Variants in PXYLP1 observed in about 807,000 individuals in gnomAD.
PXYLP1 encodes the protein 2-phosphoxylose phosphatase 1, also known as acid phosphatase-like 2.
In PXYLP1, 17 loss-of-function variants were observed where a neutral mutation model predicts 37.9. The observed-to-expected ratio is 0.45, with a 90% CI of 0.31 to 0.67. The LOEUF (loss-of-function observed/expected upper bound fraction) is 0.67, where lower values mean the gene tolerates loss of function less well. PXYLP1 is among the 30% of genes least tolerant of loss of function. The probability of loss-of-function intolerance (pLI) is 0.07; values close to 1 mark genes in which losing one functional copy is unlikely to be tolerated. For synonymous variants in PXYLP1, 221 were observed against 232.2 expected (o/e 0.95, Z 0.44); for missense variants, 511 against 612.0 (o/e 0.84, Z 1.74).
chr3:141,271,044 C>T (rs1941651285), intron 2 of PXYLP1, among the ~76,000 whole-genome samples: 1 of 152,184 alleles, frequency 6.6e-6, no homozygotes, highest in African/African-American at 2.4e-5. Flanking sequence ...GCATGTGCCA[C>T]CATATCCTGC....
Position 141,279,374 on chromosome 3 carries a change from G to A in PXYLP1, c.239-4G>A, listed in dbSNP as rs374728196. The A allele has an allele frequency of 1.2e-5, 20 of 1,613,994 alleles. No homozygotes were observed. The African/African-American group carries it at 1.5e-4, about 12-fold the overall frequency. On this transcript the variant is annotated splice_region_variant and splice_polypyrimidine_tract_variant and intron_variant, in intron 3 of 5. Coordinates refer to ENST00000286353, the MANE Select transcript of PXYLP1 (RefSeq NM_001037172.3). ...TAACCAGACAATGTGCTTCTCTCGC[G>A]CAGGTCATGCCCCGCATCATTTTAA...
chr3:141,245,531 C>T (rs752629071), intron 1 of PXYLP1, among the ~76,000 whole-genome samples: 5 of 152,218 alleles, frequency 3.3e-5, no homozygotes, highest in Non-Finnish European at 7.3e-5. Flanking sequence ...TCTCCAAAAG[C>T]TCAGTTGTTC....
intron 1 of PXYLP1, among the ~76,000 whole-genome samples, chr3:141,252,376 G>A (rs146765760): frequency 2.0e-4 from 30 of 152,316 alleles, no homozygotes; most frequent in African/African-American, 7.0e-4. Flanking sequence ...TATGCAGTCT[G>A]TAAGAAGCGT....
chr3:141,264,010 G>A (rs10935424), intron 2 of PXYLP1, among the ~76,000 whole-genome samples: 65,898 of 151,746 alleles, frequency 0.43, 16,698 homozygotes, highest in South Asian at 0.61. Flanking sequence ...AATAGATCAC[G>A]CATGCATTTG....
At chr3:141,262,520 G>A (rs1941415142) in intron 2 of PXYLP1, 1 of 815,612 alleles carries the variant, frequency 1.2e-6, no homozygotes, top group Non-Finnish European at 1.7e-6. Flanking sequence ...TGGTTTCCAC[G>A]TCACTGAATT....
chr3:141,283,519 C>T (rs1051569041), intron 4 of PXYLP1, among the ~76,000 whole-genome samples: 4 of 151,964 alleles, frequency 2.6e-5, no homozygotes, highest in Admixed American at 6.6e-5. Context: ...GTCAGGAGAG[C>T]AATGTTATGA....
Position 141,242,479 on chromosome 3 carries a change from C to G in PXYLP1, c.-54+10568C>G, listed in dbSNP as rs182143542. ...AAAAGAGGGCTGAGCCAGGGTTTAGCAAAGCTGTCAGCTGCCTTGATTGTG... is the reference window on the plus strand; with the variant it reads ...AAAAGAGGGCTGAGCCAGGGTTTAGGAAAGCTGTCAGCTGCCTTGATTGTG... On this transcript the variant is annotated intron_variant, in intron 1 of 5. Transcript: ENST00000286353. Among the ~76,000 whole-genome samples the G allele has an allele frequency of 3.3e-4, 51 of 152,360 alleles. No homozygotes were observed. The Middle Eastern group carries it at 0.01, about 30-fold the overall frequency.
intron 1 of PXYLP1, among the ~76,000 whole-genome samples, chr3:141,257,458 C>T (rs1941286710): frequency 1.3e-5 from 2 of 152,134 alleles, no homozygotes; most frequent in Admixed American, 6.5e-5. Flanking sequence ...AGGAAAAGAC[C>T]GGGTAAGCCC....
At position 141,278,429 on chromosome 3, in the gene PXYLP1, CT is replaced by C. The variant is rs2148813699; in HGVS notation, c.168del (p.Val57Ter). 1 of 1,614,228 alleles carries C rather than the reference CT, an allele frequency of 6.2e-7. No individual in the cohort carries two copies. The highest frequency in any genetic ancestry group is 2.2e-5 in the East Asian group (1 of 44,888). On this transcript the variant is annotated frameshift_variant, in exon 3 of 6. Coordinates refer to ENST00000286353, the MANE Select transcript of PXYLP1 (RefSeq NM_001037172.3). LOFTEE classifies it high-confidence loss of function. ...ATGCCCGACCCTGTGACGGAGCCCC[CT>C]GTGACAGACCCCGTTTATGAAGCTC... ...RIMPDPVTEP[P>X]VTDPVYEALL...
At position 141,293,091 on chromosome 3, in the gene PXYLP1, C is replaced by T; in HGVS notation, c.1329C>T (p.Pro443=). 2 of 1,614,208 alleles carry T rather than the reference C, an allele frequency of 1.2e-6. No homozygotes were observed. Among genetic ancestry groups the T allele is most frequent in the Non-Finnish European group, 1.7e-6 (2 of 1,180,042 alleles). Residue 443 remains proline, a synonymous_variant, in exon 6 of 6, where the codon CCC becomes CCT. Coordinates refer to ENST00000286353, the MANE Select transcript of PXYLP1 (RefSeq NM_001037172.3). ...GCCAAGACCACCACAAGCGTTCTCC[C>T]AAGCCCATGTGCCCGCTTGAAAACT... ...SFCQDHHKRS[P]KPMCPLENLV...
At chr3:141,269,051 T>C (rs557119756) in intron 2 of PXYLP1, among the ~76,000 whole-genome samples, 1 of 152,204 alleles carries the variant, frequency 6.6e-6, no homozygotes, top group South Asian at 2.1e-4. Context: ...TGCCTGAGAG[T>C]GCAGGCCCCA....
At chr3:141,274,105 G>C (rs1941731989) in intron 2 of PXYLP1, 1 of 994,154 alleles carries the variant, frequency 1.0e-6, no homozygotes, top group Non-Finnish European at 1.2e-6. Context: ...GGCACGGGGG[G>C]CCTGGGCAAA....
In PXYLP1 at chr3:141,293,483, C is replaced by A. The variant is rs1327490368; in HGVS notation, c.*278C>A. ...AATGCCAGAATAATATAGTTCAAGA[C>A]CTGAAGTTGCCAATCCAAGTTTGCA... On this transcript the variant is annotated 3_prime_UTR_variant, in exon 6 of 6. Coordinates refer to ENST00000286353, the MANE Select transcript of PXYLP1 (RefSeq NM_001037172.3). 1 of 394,540 alleles carries A rather than the reference C, an allele frequency of 2.5e-6. No individual in the cohort carries two copies. Among genetic ancestry groups the A allele is most frequent in the African/African-American group, 2.0e-5 (1 of 49,698 alleles). The allele number at this position is 394,540 out of a possible 1,614,324, so 24.4% of individuals were successfully genotyped here.
chr3:141,252,087 C>G (rs1941152821), intron 1 of PXYLP1, among the ~76,000 whole-genome samples: 1 of 152,164 alleles, frequency 6.6e-6, no homozygotes, highest in African/African-American at 2.4e-5. Context: ...GAGCAGGGCT[C>G]TAGACCTAGC....
At chr3:141,247,439 T>A (rs1271024427) in intron 1 of PXYLP1, among the ~76,000 whole-genome samples, 1 of 152,234 alleles carries the variant, frequency 6.6e-6, no homozygotes, top group Non-Finnish European at 1.5e-5. Context: ...TTCAGGTATG[T>A]CCCTGAAATG....
intron 3 of PXYLP1, among the ~76,000 whole-genome samples, 157 bp from the exon 4 acceptor site, chr3:141,279,221 G>C (rs78228553): frequency 0.034 from 5,149 of 152,220 alleles, 118 homozygotes; most frequent in Middle Eastern, 0.095. Context: ...GGCAGCCAGG[G>C]CCCCTTCACT....
In PXYLP1 at chr3:141,274,122, T is replaced by C. The variant is rs1042234223; in HGVS notation, c.80-4220T>C. On this transcript the variant is annotated intron_variant, in intron 2 of 5. Coordinates refer to ENST00000286353, the MANE Select transcript of PXYLP1 (RefSeq NM_001037172.3). ...CACGGGGGGCCTGGGCAAAGCCTGC[T>C]GGGAGGAGCAGTGTCCTGGAGCAGT... 43 of 998,608 alleles carry C rather than the reference T, an allele frequency of 4.3e-5. No individual in the cohort carries two copies. The African/African-American group carries it at 6.1e-4, about 14-fold the overall frequency. 61.9% of individuals were successfully genotyped at this position (998,608 alleles called of 1,614,324 possible).
At chr3:141,262,583 A>G in intron 2 of PXYLP1, 2 of 1,419,038 alleles carry the variant, frequency 1.4e-6, no homozygotes, top group East Asian at 5.1e-5. Flanking sequence ...CTGTTTTAGG[A>G]AAGCCAATTT....
At chr3:141,233,952 G>A (rs1336920120) in intron 1 of PXYLP1, among the ~76,000 whole-genome samples, 2 of 152,162 alleles carry the variant, frequency 1.3e-5, no homozygotes, top group Non-Finnish European at 2.9e-5. Flanking sequence ...GCCCCACTGT[G>A]CAGGAGCATC....
Sources: allele counts gnomAD v4.1 joint callset (sites outside exome capture counted in the v4.1 genomes callset), GRCh38; gene constraint gnomAD v4.1.1; transcripts MANE v1.5; gene names NCBI Gene and HGNC (gene_info 2026-07-23, HGNC 2026-07-21).